The following KRTAP2-2 variants were observed in gnomAD, a reference collection of about 807,000 sequenced individuals.
The protein encoded by KRTAP2-2 is putative keratin-associated protein ENSP00000381495.
A neutral mutation model predicts 10.2 loss-of-function variants in KRTAP2-2; 3 were observed. The observed-to-expected ratio is 0.29, with a 90% CI of 0.13 to 0.76. The LOEUF (loss-of-function observed/expected upper bound fraction) is 0.76. Ranked by LOEUF, KRTAP2-2 falls within the 30% of genes least tolerant of loss-of-function variation. KRTAP2-2 has a pLI of 0.67. For synonymous variants in KRTAP2-2, 20 were observed against 70.8 expected, an observed-to-expected ratio of 0.28 and a Z score of 3.60; for missense variants, 54 against 163.6, an observed-to-expected ratio of 0.33 and a Z score of 3.65.
exon 1 of KRTAP2-2, chr17:41,054,508 A>G (rs2013033728): frequency 3.4e-6 from 2 of 592,496 alleles, no homozygotes; most frequent in African/African-American, 1.9e-5. Flanking sequence ...TTTCTATGGT[A>G]GGAGTATTGA....
chr17:41,054,614 T>A, exon 1 of KRTAP2-2: 1 of 1,298,396 alleles, frequency 7.7e-7, no homozygotes, highest in Non-Finnish European at 1.0e-6. Flanking sequence ...GTGTCTTCAA[T>A]GCATAGTGTG....
At chr17:41,054,833 T>G (rs1314623150) in exon 1 of KRTAP2-2, 3 of 1,499,326 alleles carry the variant, frequency 2.0e-6, no homozygotes, top group African/African-American at 3.3e-5. Flanking sequence ...TGGCAGCAGG[T>G]GGTGGCTCAG....
chr17:41,054,661 G>A (rs2043270361), exon 1 of KRTAP2-2: 4 of 1,500,520 alleles, frequency 2.7e-6, no homozygotes, highest in South Asian at 2.5e-5. Context: ...GCTTCTCAAG[G>A]AAACGTGTAT....
exon 1 of KRTAP2-2, chr17:41,054,517 G>C: frequency 1.6e-6 from 1 of 613,348 alleles, no homozygotes; most frequent in Non-Finnish European, 2.8e-6. Flanking sequence ...TAGGAGTATT[G>C]AGTTTATTAG....
chr17:41,055,034 G>A (rs1233562483), exon 1 of KRTAP2-2: 5 of 1,115,476 alleles, frequency 4.5e-6, no homozygotes, highest in Non-Finnish European at 4.9e-6. Flanking sequence ...CACACCGGGC[G>A]GCGGCAGGGC....
rs1393347518 is a variant in KRTAP2-2, at chr17:41,054,704, A to G, written c.*136T>C. ...CGGTGAAGCCCTGAGGGGCAGCGGG[A>G]TGGACCTGGCCATCTTCTGAGGGGC... On this transcript the variant is annotated 3_prime_UTR_variant, in exon 1 of 1. Transcript: ENST00000398477. The G allele has an allele frequency of 9.8e-6, 15 of 1,535,636 alleles. No individual in the cohort carries two copies. In the East Asian group the frequency reaches 3.2e-4, roughly 33 times the overall value.
exon 1 of KRTAP2-2, chr17:41,055,060 G>A: frequency 1.7e-6 from 2 of 1,202,404 alleles, no homozygotes; most frequent in Middle Eastern, 5.7e-4. Context: ...GATGGGGCGC[G>A]TGCAGCGGGG....
exon 1 of KRTAP2-2, chr17:41,054,753 G>A: frequency 1.9e-6 from 3 of 1,540,922 alleles, no homozygotes; most frequent in Non-Finnish European, 2.6e-6. Context: ...GGGCTGCTCA[G>A]CAGGAGGAGG....
At chr17:41,054,680 G>A (rs150578586) in exon 1 of KRTAP2-2, 12 of 1,525,326 alleles carry the variant, frequency 7.9e-6, no homozygotes, top group East Asian at 2.4e-5. Context: ...ATTGCTCTGC[G>A]GTGAAGCCCT....
At chr17:41,054,735 G>A in exon 1 of KRTAP2-2, 1 of 1,540,178 alleles carries the variant, frequency 6.5e-7, no homozygotes, top group Non-Finnish European at 8.7e-7. Flanking sequence ...GGGGCCCTTC[G>A]TGATAACGGG....
At chr17:41,054,642 G>A in exon 1 of KRTAP2-2, 2 of 1,449,716 alleles carry the variant, frequency 1.4e-6, no homozygotes, top group Non-Finnish European at 1.8e-6. Flanking sequence ...ATGAAGAGAT[G>A]AGAAATGGGC....
At position 41,054,894 on chromosome 17, in the gene KRTAP2-2, G is replaced by GGGCC. The variant is rs2013044857; in HGVS notation, c.317_318insGGCC (p.Pro107AlafsTer96). On this transcript the variant is annotated frameshift_variant, in exon 1 of 1. Transcript: ENST00000398477. LOFTEE classifies it high-confidence loss of function. ...TGCAAGGGGTCGGCTGGCCGCAGGG[G>GGGCC]GACTGCACAGACACAGGCTGGCAGC... 1 of 1,226,420 alleles carries GGGCC rather than the reference G, an allele frequency of 8.2e-7. No homozygotes were observed. Among genetic ancestry groups the GGGCC allele is most frequent in the African/African-American group, 3.0e-5 (1 of 33,318 alleles). The allele number at this position is 1,226,420 out of a possible 1,614,324, so 76.0% of individuals were successfully genotyped here.
chr17:41,054,710 C>G, exon 1 of KRTAP2-2: 1 of 1,536,706 alleles, frequency 6.5e-7, no homozygotes, highest in Non-Finnish European at 8.7e-7. Flanking sequence ...CGGGATGGAC[C>G]TGGCCATCTT....
chr17:41,054,723 G>C (rs544963398), exon 1 of KRTAP2-2: 5 of 1,538,504 alleles, frequency 3.2e-6, no homozygotes, highest in African/African-American at 1.4e-5. Context: ...GCCATCTTCT[G>C]AGGGGCCCTT....
chr17:41,054,612 A>G (rs1018955054), exon 1 of KRTAP2-2: 10 of 1,284,110 alleles, frequency 7.8e-6, no homozygotes, highest in African/African-American at 3.1e-5. Context: ...AGGTGTCTTC[A>G]ATGCATAGTG....
chr17:41,054,513 T>G, exon 1 of KRTAP2-2: 1 of 589,866 alleles, frequency 1.7e-6, no homozygotes, highest in Non-Finnish European at 2.9e-6. Context: ...ATGGTAGGAG[T>G]ATTGAGTTTA....
chr17:41,055,146 G>C, exon 1 of KRTAP2-2: 1 of 1,371,468 alleles, frequency 7.3e-7, no homozygotes, highest in Non-Finnish European at 9.6e-7. Context: ...GGCAGCAGCA[G>C]GGCTGGCAGC....
chr17:41,054,983 T>C, exon 1 of KRTAP2-2: 1 of 1,124,264 alleles, frequency 8.9e-7, no homozygotes, highest in Non-Finnish European at 1.2e-6. Flanking sequence ...CAGCAGGTGA[T>C]GGGGCGGCAG....
exon 1 of KRTAP2-2, chr17:41,054,772 G>A: frequency 1.3e-6 from 2 of 1,540,694 alleles, no homozygotes; most frequent in Non-Finnish European, 1.7e-6. Flanking sequence ...GGTCCTGCAG[G>A]TGGTGCTGCA....
Sources: allele counts gnomAD v4.1 joint callset, GRCh38; gene constraint gnomAD v4.1.1; transcripts MANE v1.5; gene names NCBI Gene and HGNC (gene_info 2026-07-23, HGNC 2026-07-21).